The following CLASP2 variants were observed in gnomAD, a reference collection of about 807,000 sequenced individuals.
CLASP2 encodes cytoplasmic linker associated protein 2.
Under a neutral mutation model 194.4 loss-of-function variants are expected in CLASP2, and 47 were observed. The observed-to-expected ratio is 0.24, with a 90% CI of 0.19 to 0.31. CLASP2 has a LOEUF of 0.31. Among genes scored for constraint, CLASP2 ranks in the 10% least tolerant of loss-of-function variants. The pLI, the probability that CLASP2 is intolerant of heterozygous loss-of-function variation, is 1.00. For synonymous variants in CLASP2, 619 were observed against 633.5 expected, an observed-to-expected ratio of 0.98 and a Z score of 0.34; for missense variants, 1,445 against 1,823.6, an observed-to-expected ratio of 0.79 and a Z score of 3.78.
At chr3:33,679,648 T>C (rs1047031964) in intron 6 of CLASP2, among the ~76,000 whole-genome samples, 1 of 152,162 alleles carries the variant, frequency 6.6e-6, no homozygotes, top group Non-Finnish European at 1.5e-5. Flanking sequence ...CTCCAAATCA[T>C]AGGTCATCAG....
intron 12 of CLASP2, among the ~76,000 whole-genome samples, chr3:33,615,550 T>C (rs1235982784): frequency 1.5e-5 from 2 of 132,336 alleles, no homozygotes; most frequent in Non-Finnish European, 3.3e-5. Flanking sequence ...ATTTACCAGA[T>C]AAAGCAGATT....
In CLASP2 at chr3:33,565,382, T is replaced by C. The variant is rs548997602; in HGVS notation, c.2766+1350A>G. Among the ~76,000 whole-genome samples, 8 of 152,152 alleles carry C rather than the reference T, an allele frequency of 5.3e-5. No individual in the cohort carries two copies. The East Asian group carries it at 1.4e-3, about 26-fold the overall frequency. ...TTTTAGTAGAGATAGGGTTTCACCA[T>C]GTTGGCCTGGCTGGTCTCAAACTCC... On this transcript the variant is annotated intron_variant, in intron 27 of 38. Coordinates refer to ENST00000682230, the MANE Select transcript of CLASP2 (RefSeq NM_001365631.1).
chr3:33,634,904 G>A (rs932137589), intron 8 of CLASP2, among the ~76,000 whole-genome samples: 3 of 152,138 alleles, frequency 2.0e-5, no homozygotes, highest in Non-Finnish European at 2.9e-5. Context: ...AACGAAGTTA[G>A]AAATTTGAAA....
intron 7 of CLASP2, among the ~76,000 whole-genome samples, chr3:33,646,801 C>A (rs991756324): frequency 6.6e-6 from 1 of 152,114 alleles, no homozygotes; most frequent in African/African-American, 2.4e-5. Flanking sequence ...CCAGTATAAC[C>A]AGTATCCAGA....
At chr3:33,665,386 A>G (rs569538755) in intron 6 of CLASP2, among the ~76,000 whole-genome samples, 1 of 152,084 alleles carries the variant, frequency 6.6e-6, no homozygotes, top group African/African-American at 2.4e-5. Flanking sequence ...AGGGGAGGGG[A>G]AAAGAAGAAA....
At chr3:33,686,530 ACAGTTTCATCCCAAAAC>A (rs2090696951) in intron 5 of CLASP2, among the ~76,000 whole-genome samples, 1 of 152,194 alleles carries the variant, frequency 6.6e-6, no homozygotes, top group Non-Finnish European at 1.5e-5. Flanking sequence ...CTGAGGTAGA[ACAGTTTCATCCCAAAAC>A]CATCCCTACC....
rs144563116 is a variant in CLASP2 at position 33,560,727 on chromosome 3, A to G, written c.2930+81T>C. On this transcript the variant is annotated intron_variant, in intron 28 of 38. Transcript: ENST00000682230. The stretch of plus-strand genomic sequence containing the variant: ...CAGTCTAAATTGTTCAAAGGGACCC[A>G]GAAATCTGAACTATTAACACAGGGG... The G allele has an allele frequency of 1.0e-4, 126 of 1,256,814 alleles. No individual in the cohort carries two copies. In the African/African-American group the frequency reaches 1.8e-3, roughly 18 times the overall value. The allele number at this position is 1,256,814 out of a possible 1,614,324, so 77.9% of individuals were successfully genotyped here. A position where few individuals can be genotyped will look rare whatever the true frequency, so the allele number is the denominator to read the frequency against.
At chr3:33,713,665 T>C (rs372499466) in intron 1 of CLASP2, among the ~76,000 whole-genome samples, 2 of 152,230 alleles carry the variant, frequency 1.3e-5, no homozygotes, top group East Asian at 3.9e-4. Flanking sequence ...CGCTACATAG[T>C]TATAAATGTT....
At chr3:33,566,986 G>A (rs2062853151) in intron 26 of CLASP2, among the ~76,000 whole-genome samples, 1 of 152,058 alleles carries the variant, frequency 6.6e-6, no homozygotes, top group Non-Finnish European at 1.5e-5. Context: ...GGAAAATTAA[G>A]AAAACTAAAG....
rs2091968305 is a variant in CLASP2, at chr3:33,696,863, A to G, written c.266T>C (p.Val89Ala). The G allele has an allele frequency of 1.3e-6, 2 of 1,584,814 alleles. No individual in the cohort carries two copies. The highest frequency in any genetic ancestry group is 2.7e-5 in the African/African-American group (2 of 74,384). ...DRLSTRFKSY[V>A]AMVIVALIDR... Reference sequence around the variant, plus strand: ...AAACAAAGTTAACTTACCCATTGCTACATAGGATTTAAAGCGTGTTGATAA... The same window carrying G: ...AAACAAAGTTAACTTACCCATTGCTGCATAGGATTTAAAGCGTGTTGATAA... Residue 89 changes from valine (V) to alanine (A), a missense_variant, in exon 2 of 39, where the codon GTA becomes GCA. This residue lies in a region of CLASP2 where 332 missense variants were observed against 325.3 expected (regional missense o/e 1.02). Coordinates refer to ENST00000682230, the MANE Select transcript of CLASP2 (RefSeq NM_001365631.1).
chr3:33,538,095 T>C (rs1576099924), intron 33 of CLASP2, among the ~76,000 whole-genome samples: 1 of 151,194 alleles, frequency 6.6e-6, no homozygotes. Context: ...GAGCCGAGAT[T>C]GCGCCACTGC....
At chr3:33,652,398 C>T (rs2083368819) in intron 7 of CLASP2, among the ~76,000 whole-genome samples, 1 of 152,156 alleles carries the variant, frequency 6.6e-6, no homozygotes, top group Admixed American at 6.5e-5. Context: ...ACCACAGATA[C>T]CTTGGAAAAC....
At chr3:33,625,986 T>G (rs1210706288) in intron 10 of CLASP2, among the ~76,000 whole-genome samples, 2 of 152,108 alleles carry the variant, frequency 1.3e-5, no homozygotes, top group African/African-American at 4.8e-5. Flanking sequence ...AGTTCACATT[T>G]TATACTAATA....
At position 33,535,225 on chromosome 3, in the gene CLASP2, G is replaced by C. The variant is rs774887616; in HGVS notation, c.3787+8C>G. 1 of 1,601,598 alleles carries C rather than the reference G, an allele frequency of 6.2e-7. No individual in the cohort carries two copies. The highest frequency in any genetic ancestry group is 1.7e-5 in the Admixed American group (1 of 59,976). ...AAACAGACAGTAGCAGTGTGACCCA[G>C]AACATACCGTCAGGAAACTGGTCAG... is the stretch of plus-strand genomic sequence containing the variant. On this transcript the variant is annotated splice_region_variant and intron_variant, in intron 34 of 38. Coordinates refer to ENST00000682230, the MANE Select transcript of CLASP2 (RefSeq NM_001365631.1).
rs767735328 is a variant in CLASP2, at chr3:33,516,014, G to C, written c.4110+9C>G. The C allele has an allele frequency of 6.2e-7, 1 of 1,602,260 alleles. No homozygotes were observed. The highest frequency in any genetic ancestry group is 2.2e-5 in the East Asian group (1 of 44,646). On this transcript the variant is annotated intron_variant, in intron 36 of 38. Coordinates refer to ENST00000682230, the MANE Select transcript of CLASP2 (RefSeq NM_001365631.1). ...AATGGAATAATACTTTACCGGCCAG[G>C]TAACTTACCTCCTTATGAGGATCTT... is the stretch of plus-strand genomic sequence containing the variant.
At chr3:33,651,701 C>T (rs1259602759) in intron 7 of CLASP2, among the ~76,000 whole-genome samples, 1 of 148,962 alleles carries the variant, frequency 6.7e-6, no homozygotes, top group Non-Finnish European at 1.5e-5. Context: ...CTGTTGACAC[C>T]CAGGCTGGAG....
chr3:33,642,765 A>G (rs575116103), intron 8 of CLASP2, among the ~76,000 whole-genome samples: 1 of 152,074 alleles, frequency 6.6e-6, no homozygotes, highest in Non-Finnish European at 1.5e-5. Context: ...CATTCATTTT[A>G]GAAGTAATAT....
Position 33,585,029 on chromosome 3 carries a change from T to C in CLASP2, c.2069-109A>G, listed in dbSNP as rs2067034145. The C allele has an allele frequency of 6.6e-6, 6 of 912,884 alleles. No individual in the cohort carries two copies. In the African/African-American group the frequency reaches 6.8e-5, roughly 10 times the overall value. 56.5% of individuals were successfully genotyped at this position (912,884 alleles called of 1,614,324 possible). A position where few individuals can be genotyped will look rare whatever the true frequency, so the allele number is the denominator to read the frequency against. ...TAATACAGAGAAAACTGTGACAGTA[T>C]GGCAGGTTCTACGCTCAAAGGAAAT... On this transcript the variant is annotated intron_variant, in intron 21 of 38. Transcript: ENST00000682230.
At chr3:33,702,203 G>A (rs1278080900) in intron 1 of CLASP2, among the ~76,000 whole-genome samples, 2 of 152,070 alleles carry the variant, frequency 1.3e-5, no homozygotes, top group Non-Finnish European at 2.9e-5. Context: ...AGAAAAAGTT[G>A]GAAGACTCAA....
Sources: gnomAD v4.1 joint callset for allele counts (sites outside exome capture counted in the v4.1 genomes callset) on GRCh38, gnomAD v4.1.1 for gene constraint, gnomAD v4.1.1 regional missense constraint, MANE v1.5 for transcripts, NCBI Gene and HGNC (gene_info 2026-07-23, HGNC 2026-07-21) for gene names.